The following TEC variants were observed in gnomAD, a reference collection of about 807,000 sequenced individuals.
TEC encodes tyrosine-protein kinase Tec.
Under a neutral mutation model 93.0 loss-of-function variants are expected in TEC, and 72 were observed. That is an observed-to-expected ratio of 0.77 (90% confidence interval 0.64 to 0.94). The LOEUF is 0.94. Ranked by LOEUF, TEC falls within the 40% of genes least tolerant of loss-of-function variation. TEC has a pLI of 0.00. For missense variants in TEC, 630 were observed against 757.9 expected (o/e 0.83, Z 1.98); for synonymous variants, 249 against 247.7 (o/e 1.01, Z -0.05).
rs1719397498 is a variant in TEC, at chr4:48,136,009, T to TGTGG, written c.*1406_*1407insCCAC. The TGTGG allele has an allele frequency of 6.6e-6, 1 of 152,140 alleles. No homozygotes were observed. Among genetic ancestry groups the TGTGG allele is most frequent in the African/African-American group, 2.4e-5 (1 of 41,422 alleles). The allele number at this position is 152,140 out of a possible 1,614,324, so 9.4% of individuals were successfully genotyped here. A position where few individuals can be genotyped will look rare whatever the true frequency, so the allele number is the denominator to read the frequency against. ...TCGTGGCCTGCAGAGGAGACGCAAC[T>TGTGG]CCTGAAGGGAAGGCGCTGTGTCTTC... On this transcript the variant is annotated 3_prime_UTR_variant, in exon 18 of 18. Transcript: ENST00000381501.
intron 2 of TEC, among the ~76,000 whole-genome samples, chr4:48,196,974 G>C (rs1722320146): frequency 6.6e-6 from 1 of 152,074 alleles, no homozygotes; most frequent in Admixed American, 6.5e-5. Context: ...TTTACGTTAG[G>C]AACAATTGAT....
At chr4:48,235,878 C>A (rs1269412732) in intron 1 of TEC, among the ~76,000 whole-genome samples, 1 of 152,168 alleles carries the variant, frequency 6.6e-6, no homozygotes, top group Admixed American at 6.5e-5. Context: ...TGTACTAGTA[C>A]TGTCTACACT....
At chr4:48,144,398 C>G (rs1217065638) in intron 14 of TEC, among the ~76,000 whole-genome samples, 1 of 152,028 alleles carries the variant, frequency 6.6e-6, no homozygotes, top group Non-Finnish European at 1.5e-5. Flanking sequence ...CAGACATTTT[C>G]AGCTGATTAT....
rs1010453215 is a variant in TEC, at chr4:48,135,788, C to T, written c.*1628G>A. 1.3e-5 allele frequency: 2 copies of T among 152,166 alleles called. No homozygotes were observed. Among genetic ancestry groups the T allele is most frequent in the African/African-American group, 4.8e-5 (2 of 41,422 alleles). The allele number at this position is 152,166 out of a possible 1,614,324, so 9.4% of individuals were successfully genotyped here. On this transcript the variant is annotated 3_prime_UTR_variant, in exon 18 of 18. Coordinates refer to ENST00000381501, the MANE Select transcript of TEC (RefSeq NM_003215.3). ...AGGAATGTGGCAGATTGTGATAAGG[C>T]TCGGGATAAGCAGTTTACTTTCTTC...
chr4:48,215,810 C>T (rs1441135847), intron 2 of TEC, among the ~76,000 whole-genome samples: 1 of 152,088 alleles, frequency 6.6e-6, no homozygotes, highest in Non-Finnish European at 1.5e-5. Context: ...ACTGGGCAAC[C>T]CAGACACATC....
At chr4:48,200,770 T>C (rs1212369866) in intron 2 of TEC, among the ~76,000 whole-genome samples, 8 of 152,210 alleles carry the variant, frequency 5.3e-5, no homozygotes, top group Admixed American at 5.2e-4. Flanking sequence ...TTTCTGTCTT[T>C]CTTCCTTCCT....
intron 8 of TEC, 109 bp downstream of exon 8, chr4:48,163,593 C>G: frequency 1.5e-6 from 1 of 683,752 alleles, no homozygotes; most frequent in Non-Finnish European, 2.4e-6. Flanking sequence ...TTTTAGCACC[C>G]CCTTCAAAGA....
At chr4:48,213,528 T>C (rs149308305) in intron 2 of TEC, among the ~76,000 whole-genome samples, 20 of 152,214 alleles carry the variant, frequency 1.3e-4, no homozygotes, top group African/African-American at 4.3e-4. Flanking sequence ...AAAGTAATAA[T>C]AGAATTAATT....
At chr4:48,257,510 C>T (rs1384276310) in intron 1 of TEC, among the ~76,000 whole-genome samples, 1 of 152,152 alleles carries the variant, frequency 6.6e-6, no homozygotes, top group Non-Finnish European at 1.5e-5. Context: ...CTTCTGGACT[C>T]CAGCTCCACC....
At chr4:48,242,369 T>C (rs185518117) in intron 1 of TEC, among the ~76,000 whole-genome samples, 31 of 152,332 alleles carry the variant, frequency 2.0e-4, no homozygotes, top group Admixed American at 1.4e-3. Context: ...CTGAAATATA[T>C]TGGGTATTCG....
intron 2 of TEC, among the ~76,000 whole-genome samples, chr4:48,194,344 T>C (rs1577741449): frequency 6.6e-6 from 1 of 152,256 alleles, no homozygotes; most frequent in South Asian, 2.1e-4. Flanking sequence ...TACTTAAAAC[T>C]GAACTGAGCT....
At chr4:48,189,181 C>T (rs1348309588) in intron 2 of TEC, among the ~76,000 whole-genome samples, 3 of 152,116 alleles carry the variant, frequency 2.0e-5, no homozygotes, top group East Asian at 1.9e-4. Flanking sequence ...GTATATGTAA[C>T]GGCTGAAGTT....
At chr4:48,149,524 T>C in intron 11 of TEC, 33 bp downstream of exon 11, 1 of 1,557,738 alleles carries the variant, frequency 6.4e-7, no homozygotes, top group Non-Finnish European at 8.7e-7. Flanking sequence ...ATCACTACCT[T>C]ATATTTGAAG....
At chr4:48,151,716 A>G (rs1355515724) in intron 9 of TEC, among the ~76,000 whole-genome samples, 1 of 152,142 alleles carries the variant, frequency 6.6e-6, no homozygotes, top group Non-Finnish European at 1.5e-5. Context: ...CGAACTTCTG[A>G]CCTCCAGTGA....
chr4:48,141,796 C>T (rs1719685152), intron 14 of TEC: 1 of 193,622 alleles, frequency 5.2e-6, no homozygotes, highest in South Asian at 8.9e-5. Context: ...GATTCTTCTG[C>T]CCCAGCCTCC....
intron 2 of TEC, among the ~76,000 whole-genome samples, chr4:48,179,354 A>G (rs866176373): frequency 1.2e-4 from 4 of 32,204 alleles, no homozygotes; most frequent in South Asian, 1.3e-3. Context: ...ATATATATAT[A>G]TATATATATA....
At chr4:48,206,776 A>G (rs1227758775) in intron 2 of TEC, among the ~76,000 whole-genome samples, 1 of 94,144 alleles carries the variant, frequency 1.1e-5, no homozygotes, top group Non-Finnish European at 2.0e-5. Context: ...CCTCGTTGCT[A>G]CAAAAAAAAA....
At chr4:48,217,292 C>T (rs60658182) in intron 2 of TEC, among the ~76,000 whole-genome samples, 15,119 of 152,140 alleles carry the variant, frequency 0.099, 794 homozygotes, top group South Asian at 0.18. Flanking sequence ...CTAGTAGAGA[C>T]GGGGTTTCAC....
chr4:48,198,100 A>G (rs560957941), intron 2 of TEC, among the ~76,000 whole-genome samples: 25 of 152,154 alleles, frequency 1.6e-4, no homozygotes, highest in Non-Finnish European at 3.1e-4. Flanking sequence ...GTAAGTAAAA[A>G]TCTCTGAACT....
Sources: gnomAD v4.1 joint callset for allele counts (sites outside exome capture counted in the v4.1 genomes callset) on GRCh38, gnomAD v4.1.1 for gene constraint, MANE v1.5 for transcripts, NCBI Gene and HGNC (gene_info 2026-07-23, HGNC 2026-07-21) for gene names.